Variants in DLGAP2 observed in about 807,000 individuals in gnomAD.
The protein encoded by DLGAP2 is disks large-associated protein 2.
In DLGAP2, 26 loss-of-function variants were observed where a neutral mutation model predicts 100.3. The ratio of observed to expected loss-of-function variants is 0.26; its 90% CI spans 0.19 to 0.36. The LOEUF (loss-of-function observed/expected upper bound fraction) is 0.36, where lower values mean the gene tolerates loss of function less well. Ranked by LOEUF, DLGAP2 falls within the 10% of genes least tolerant of loss-of-function variation. DLGAP2 has a pLI of 1.00. For missense variants in DLGAP2, 1,858 were observed against 1,453.2 expected (o/e 1.28, Z -4.53); for synonymous variants, 886 against 630.1 (o/e 1.41, Z -6.08).
intron 3 of DLGAP2, among the ~76,000 whole-genome samples, chr8:1,384,499 G>C (rs55680579): frequency 3.6e-4 from 11 of 30,960 alleles, no homozygotes; most frequent in Admixed American, 1.1e-3. Context: ...CACAGTTACC[G>C]CGGCCTGTGC....
intron 3 of DLGAP2, among the ~76,000 whole-genome samples, chr8:1,441,099 A>T (rs146093148): frequency 2.6e-4 from 39 of 152,324 alleles, no homozygotes; most frequent in Middle Eastern, 3.4e-3. Context: ...ACATAATCCC[A>T]GAATAAAAAG....
chr8:791,440 T>G (rs1011197664), intron 1 of DLGAP2, among the ~76,000 whole-genome samples: 1 of 152,216 alleles, frequency 6.6e-6, no homozygotes, highest in Non-Finnish European at 1.5e-5. Context: ...ATATTCAGAG[T>G]TGAATACTGA....
intron 2 of DLGAP2, among the ~76,000 whole-genome samples, chr8:1,175,532 T>C (rs767733732): frequency 6.6e-6 from 1 of 152,174 alleles, no homozygotes; most frequent in Admixed American, 6.5e-5. Context: ...AGGCTGTCAG[T>C]GGAAGGGAGA....
intron 2 of DLGAP2, among the ~76,000 whole-genome samples, chr8:952,559 C>A (rs769383831): frequency 6.6e-6 from 1 of 151,982 alleles, no homozygotes; most frequent in Non-Finnish European, 1.5e-5. Context: ...ATCATTTGAG[C>A]CAGGGAGATG....
At chr8:1,457,800 T>G (rs1798356634) in intron 3 of DLGAP2, among the ~76,000 whole-genome samples, 1 of 151,708 alleles carries the variant, frequency 6.6e-6, no homozygotes, top group Non-Finnish European at 1.5e-5. Flanking sequence ...GATGCCTCAG[T>G]GATGGCAACA....
At chr8:1,662,883 G>A (rs537009333) in intron 8 of DLGAP2, among the ~76,000 whole-genome samples, 37 of 149,050 alleles carry the variant, frequency 2.5e-4, no homozygotes, top group South Asian at 1.1e-3. Flanking sequence ...GTGTGTGCGC[G>A]TGTGTACATG....
intron 4 of DLGAP2, among the ~76,000 whole-genome samples, chr8:1,534,530 A>G (rs1020059347): frequency 9.2e-5 from 14 of 152,258 alleles, no homozygotes; most frequent in Admixed American, 2.6e-4. Flanking sequence ...GAAGAGTTGA[A>G]CACCTGAGTT....
intron 1 of DLGAP2, among the ~76,000 whole-genome samples, chr8:761,852 C>T (rs1252575503): frequency 2.6e-5 from 4 of 152,146 alleles, no homozygotes; most frequent in African/African-American, 9.7e-5. Flanking sequence ...CGACACCCTG[C>T]GGAGGAGGCC....
At chr8:1,201,976 GTGTATC>G (rs1797885999) in intron 2 of DLGAP2, among the ~76,000 whole-genome samples, 4 of 144,848 alleles carry the variant, frequency 2.8e-5, no homozygotes, top group African/African-American at 1.0e-4. Flanking sequence ...TACAGTATCT[GTGTATC>G]TGTGTATATG....
Position 1,335,377 on chromosome 8 carries a change from G to C in DLGAP2, c.106+76494G>C, listed in dbSNP as rs545007028. Among the ~76,000 whole-genome samples the C allele has an allele frequency of 8.5e-5, 13 of 152,294 alleles. No individual in the cohort carries two copies. The South Asian group carries it at 2.5e-3, about 29-fold the overall frequency. On this transcript the variant is annotated intron_variant, in intron 3 of 14. Transcript: ENST00000637795. Reference sequence around the variant, plus strand: ...GGCATTACATTTTCACTCTAAGACAGTCCTGTTCACACTCAGCAACACATG... The same window carrying C: ...GGCATTACATTTTCACTCTAAGACACTCCTGTTCACACTCAGCAACACATG...
At chr8:951,479 G>C (rs879036210) in intron 2 of DLGAP2, among the ~76,000 whole-genome samples, 1 of 152,144 alleles carries the variant, frequency 6.6e-6, no homozygotes, top group Admixed American at 6.5e-5. Flanking sequence ...TTGAACTCCT[G>C]ACCTCAGGTG....
intron 1 of DLGAP2, among the ~76,000 whole-genome samples, chr8:780,942 C>A (rs974974088): frequency 1.3e-5 from 2 of 152,168 alleles, no homozygotes; most frequent in Non-Finnish European, 2.9e-5. Flanking sequence ...TTTGCTTGTG[C>A]TAGGGTTTTG....
At chr8:1,514,716 C>T (rs1800298985) in intron 4 of DLGAP2, among the ~76,000 whole-genome samples, 1 of 152,208 alleles carries the variant, frequency 6.6e-6, no homozygotes, top group Non-Finnish European at 1.5e-5. Context: ...ACGAGTCCCA[C>T]AGTCAGTGAG....
chr8:1,177,510 C>G (rs1463343560), intron 2 of DLGAP2, among the ~76,000 whole-genome samples: 3 of 152,084 alleles, frequency 2.0e-5, no homozygotes, highest in African/African-American at 4.8e-5. Context: ...GATATTAGCA[C>G]CATTGTTCTG....
At chr8:831,838 A>G (rs1306281144) in intron 1 of DLGAP2, among the ~76,000 whole-genome samples, 2 of 152,130 alleles carry the variant, frequency 1.3e-5, no homozygotes, top group African/African-American at 4.8e-5. Flanking sequence ...CCAACAGTGT[A>G]AAAGTGTTCC....
chr8:973,718 A>G (rs1800083770), intron 2 of DLGAP2, among the ~76,000 whole-genome samples: 1 of 152,168 alleles, frequency 6.6e-6, no homozygotes, highest in East Asian at 1.9e-4. Flanking sequence ...AGTTGCTTCT[A>G]CTTTATCGGA....
intron 2 of DLGAP2, among the ~76,000 whole-genome samples, chr8:984,674 C>A (rs948492957): frequency 2.0e-5 from 3 of 152,246 alleles, no homozygotes; most frequent in Admixed American, 6.5e-5. Context: ...GCCGACCTCA[C>A]TTAAAGACAG....
intron 1 of DLGAP2, among the ~76,000 whole-genome samples, chr8:897,144 C>T (rs4735825): frequency 0.44 from 66,827 of 151,866 alleles, 15,747 homozygotes; most frequent in Admixed American, 0.6. Context: ...CTGTGACAAA[C>T]GCTGATGTTT....
At chr8:1,088,655 C>A (rs1456834921) in intron 2 of DLGAP2, among the ~76,000 whole-genome samples, 2 of 151,846 alleles carry the variant, frequency 1.3e-5, no homozygotes, top group Non-Finnish European at 2.9e-5. Context: ...CTCTCTCCAC[C>A]CCTCATGCAG....
Sources: gnomAD v4.1 joint callset for allele counts (sites outside exome capture counted in the v4.1 genomes callset) on GRCh38, gnomAD v4.1.1 for gene constraint, MANE v1.5 for transcripts, NCBI Gene and HGNC (gene_info 2026-07-23, HGNC 2026-07-21) for gene names.